The following XPO7 variants were observed in gnomAD, a reference collection of about 807,000 sequenced individuals.
XPO7 encodes the protein exportin 7.
In XPO7, 21 loss-of-function variants were observed where a neutral mutation model predicts 144.3. The observed-to-expected ratio is 0.15, with a 90% confidence interval of 0.10 to 0.21. The LOEUF is 0.21. XPO7 is among the 10% of genes least tolerant of loss of function. The probability of loss-of-function intolerance (pLI) is 1.00; values close to 1 mark genes in which losing one functional copy is unlikely to be tolerated. For synonymous variants in XPO7, 580 were observed against 499.6 expected (o/e 1.16, Z -2.15); for missense variants, 808 against 1,325.8 (o/e 0.61, Z 6.06).
intron 1 of XPO7, among the ~76,000 whole-genome samples, chr8:21,931,307 C>T (rs1445241451): frequency 6.6e-5 from 10 of 152,024 alleles, no homozygotes; most frequent in Admixed American, 6.6e-4. Flanking sequence ...GGACTGCAAG[C>T]GCCTGCCACC....
chr8:22,003,820 CA>C (rs1310047503), intron 26 of XPO7, 82 bp from the exon 27 acceptor site: 3 of 1,576,902 alleles, frequency 1.9e-6, no homozygotes, highest in Non-Finnish European at 2.6e-6. Flanking sequence ...TAGAGAAGAA[CA>C]TTCTTCAACC....
chr8:21,924,901 A>C (rs1810410813), intron 1 of XPO7, among the ~76,000 whole-genome samples: 1 of 152,218 alleles, frequency 6.6e-6, no homozygotes, highest in Admixed American at 6.5e-5. Flanking sequence ...TGACCACTTA[A>C]GCATCTACTA....
Position 21,931,168 on chromosome 8 carries a change from C to T in XPO7, c.18+11380C>T, listed in dbSNP as rs1041198448. 1.0e-3 allele frequency among the ~76,000 whole-genome samples: 147 copies of T among 144,362 alleles called. 2 individuals carry two copies. The highest frequency in any genetic ancestry group is 2.8e-3 in the African/African-American group (111 of 39,546). 94.7% of individuals were successfully genotyped at this position (144,362 alleles called of 152,430 possible). On this transcript the variant is annotated intron_variant, in intron 1 of 27. Transcript: ENST00000252512. ...CCATGCCTATCTTATTTCTCTCTCT[C>T]TTTTTTTTTTTTTAGACAGAGTCTC...
intron 4 of XPO7, among the ~76,000 whole-genome samples, chr8:21,970,999 C>T (rs747819319): frequency 1.3e-5 from 2 of 152,174 alleles, no homozygotes; most frequent in Non-Finnish European, 2.9e-5. Flanking sequence ...CTGTAAACTC[C>T]ATTCATGGTA....
At chr8:21,953,433 C>A (rs1365027222) in intron 1 of XPO7, among the ~76,000 whole-genome samples, 1 of 152,168 alleles carries the variant, frequency 6.6e-6, no homozygotes, top group Non-Finnish European at 1.5e-5. Flanking sequence ...TCCTCTATGT[C>A]TTTTTGTAGC....
intron 1 of XPO7, among the ~76,000 whole-genome samples, chr8:21,957,565 T>G (rs763859142): frequency 1.2e-4 from 19 of 152,212 alleles, no homozygotes; most frequent in Non-Finnish European, 1.8e-4. Context: ...TCCTGAGGGT[T>G]TAGGGCTTGG....
intron 1 of XPO7, among the ~76,000 whole-genome samples, chr8:21,953,580 T>C (rs1274094130): frequency 6.6e-6 from 1 of 152,256 alleles, no homozygotes; most frequent in Non-Finnish European, 1.5e-5. Context: ...TGTTTAGTTT[T>C]GTGAGAAACT....
chr8:21,986,404 T>C (rs561678732), intron 13 of XPO7, among the ~76,000 whole-genome samples: 4 of 152,246 alleles, frequency 2.6e-5, no homozygotes, highest in Admixed American at 6.5e-5. Flanking sequence ...CCACCTGCCT[T>C]GGCCTCCCAA....
chr8:21,971,845 A>C (rs1388641554), intron 4 of XPO7, 31 bp from the exon 5 acceptor site: 2 of 1,585,892 alleles, frequency 1.3e-6, no homozygotes, highest in South Asian at 2.3e-5. Flanking sequence ...ACACATGACA[A>C]CTCTTTCTAC....
At chr8:21,991,549 T>A (rs576687558) in intron 18 of XPO7, among the ~76,000 whole-genome samples, 1 of 152,342 alleles carries the variant, frequency 6.6e-6, no homozygotes, top group East Asian at 1.9e-4. Flanking sequence ...GCTTCAGTCC[T>A]TTCTCCACTG....
chr8:21,953,352 T>C (rs773175878), intron 1 of XPO7, among the ~76,000 whole-genome samples: 1 of 152,192 alleles, frequency 6.6e-6, no homozygotes, highest in Non-Finnish European at 1.5e-5. Flanking sequence ...GGATGTCATA[T>C]AGTAGTTGGA....
In XPO7 at chr8:21,981,843, G is replaced by A. The variant is rs774932634; in HGVS notation, c.1070G>A (p.Arg357Gln). The A allele has an allele frequency of 1.2e-6, 2 of 1,613,822 alleles. No homozygotes were observed. Among genetic ancestry groups the A allele is most frequent in the Non-Finnish European group, 1.7e-6 (2 of 1,179,852 alleles). The change falls in exon 10 of 28, where the codon CGA becomes CAA. Residue 357 changes from arginine to glutamine, a missense_variant. Around this residue, in one of 5 missense-constraint regions of XPO7, gnomAD observed 26 missense variants for 85.8 expected, o/e 0.30. Transcript: ENST00000252512. ...GTGGAAAACTACCCTGAGGTCATCC[G>A]ATTGATAGCCAACTTCACAGTGACC... is the stretch of plus-strand genomic sequence containing the variant. ...VKVENYPEVI[R>Q]LIANFTVTSL...
At chr8:21,953,646 G>T (rs186551518) in intron 1 of XPO7, among the ~76,000 whole-genome samples, 5 of 152,268 alleles carry the variant, frequency 3.3e-5, no homozygotes, top group Admixed American at 2.6e-4. Context: ...AACAGTTCCT[G>T]TTGTTCCACA....
rs1026370516 is a variant in XPO7, at chr8:21,961,682, A to T, written c.19-5175A>T. Among the ~76,000 whole-genome samples, 17 of 152,000 alleles carry T rather than the reference A, an allele frequency of 1.1e-4. No individual in the cohort carries two copies. In the South Asian group the frequency reaches 3.5e-3, roughly 32 times the overall value. On this transcript the variant is annotated intron_variant, in intron 1 of 27. Transcript: ENST00000252512. The stretch of plus-strand genomic sequence containing the variant: ...TTTTGTTTTTCTGAGACAGAGTCTC[A>T]CTCTGTCGCCCAGGCTGGAGTGCAG...
chr8:21,998,415 T>C (rs1813024751), intron 21 of XPO7, among the ~76,000 whole-genome samples: 1 of 152,212 alleles, frequency 6.6e-6, no homozygotes, highest in Admixed American at 6.5e-5. Flanking sequence ...CACTCTAGCC[T>C]GGGCGACAGA....
At chr8:21,923,380 A>G (rs1358079513) in intron 1 of XPO7, among the ~76,000 whole-genome samples, 5 of 152,210 alleles carry the variant, frequency 3.3e-5, no homozygotes, top group East Asian at 1.9e-4. Context: ...CAATAACTAT[A>G]TCCCATCACC....
At chr8:21,965,117 A>C (rs1811841782) in intron 1 of XPO7, among the ~76,000 whole-genome samples, 1 of 148,770 alleles carries the variant, frequency 6.7e-6, no homozygotes. Context: ...CTTTCTTGTT[A>C]CCTATTTTCC....
At chr8:21,956,545 T>C (rs961411698) in intron 1 of XPO7, among the ~76,000 whole-genome samples, 1 of 152,182 alleles carries the variant, frequency 6.6e-6, no homozygotes, top group Non-Finnish European at 1.5e-5. Context: ...CTGTAACTCC[T>C]GTTAATTGGA....
chr8:21,969,720 A>G (rs1393217002), intron 3 of XPO7, 144 bp downstream of exon 3: 9 of 840,556 alleles, frequency 1.1e-5, no homozygotes, highest in African/African-American at 1.7e-5. Flanking sequence ...CGTTTCCAGA[A>G]TTTGGGGCTT....
Sources: gnomAD v4.1 joint callset for allele counts (sites outside exome capture counted in the v4.1 genomes callset) on GRCh38, gnomAD v4.1.1 for gene constraint, gnomAD v4.1.1 regional missense constraint, MANE v1.5 for transcripts, NCBI Gene and HGNC (gene_info 2026-07-23, HGNC 2026-07-21) for gene names.